Variants in PTPRM observed in about 807,000 individuals in gnomAD.
PTPRM encodes protein tyrosine phosphatase receptor type M, also known as receptor-type tyrosine-protein phosphatase mu.
Under a neutral mutation model 186.7 loss-of-function variants are expected in PTPRM, and 47 were observed. That is an observed-to-expected ratio of 0.25 (90% confidence interval 0.20 to 0.32). PTPRM has a LOEUF of 0.32. Among genes scored for constraint, PTPRM ranks in the 10% least tolerant of loss-of-function variants. The pLI, the probability that PTPRM is intolerant of heterozygous loss-of-function variation, is 1.00. For synonymous variants in PTPRM, 668 were observed against 674.9 expected, an observed-to-expected ratio of 0.99 and a Z score of 0.16; for missense variants, 1,494 against 1,865.0, an observed-to-expected ratio of 0.80 and a Z score of 3.66.
At chr18:7,809,465 G>A (rs537662817) in intron 2 of PTPRM, among the ~76,000 whole-genome samples, 21 of 151,970 alleles carry the variant, frequency 1.4e-4, no homozygotes, top group African/African-American at 3.9e-4. Context: ...CTAGACCACC[G>A]CACTCACACC....
chr18:7,865,787 A>C (rs1416932362), intron 2 of PTPRM, among the ~76,000 whole-genome samples: 1 of 152,144 alleles, frequency 6.6e-6, no homozygotes, highest in African/African-American at 2.4e-5. Flanking sequence ...CTTCTGATAG[A>C]ATTCGGCTGT....
intron 14 of PTPRM, among the ~76,000 whole-genome samples, chr18:8,158,362 G>T (rs1216356847): frequency 1.3e-5 from 2 of 152,134 alleles, no homozygotes; most frequent in African/African-American, 4.8e-5. Context: ...ATGTTGATGT[G>T]ACTTCACTTT....
At chr18:7,815,608 AGGATTTTGAGACT>A (rs1187889454) in intron 2 of PTPRM, 1 of 152,214 alleles carries the variant, frequency 6.6e-6, no homozygotes, top group Non-Finnish European at 1.5e-5. Flanking sequence ...GCTCGAGGCC[AGGATTTTGAGACT>A]GTAGTGTGCA....
At chr18:7,880,563 A>C in intron 2 of PTPRM, among the ~76,000 whole-genome samples, 1 of 152,234 alleles carries the variant, frequency 6.6e-6, no homozygotes, top group East Asian at 1.9e-4. Flanking sequence ...TGGTCTGCAG[A>C]ATGTGAATGC....
intron 14 of PTPRM, among the ~76,000 whole-genome samples, chr18:8,188,126 TG>T (rs1025553104): frequency 4.6e-5 from 7 of 152,186 alleles, no homozygotes; most frequent in African/African-American, 1.7e-4. Context: ...CAGATATTTA[TG>T]GAGAGGCAGA....
At chr18:8,112,602 GT>G (rs1044113699) in intron 11 of PTPRM, among the ~76,000 whole-genome samples, 1 of 152,172 alleles carries the variant, frequency 6.6e-6, no homozygotes, top group African/African-American at 2.4e-5. Context: ...CATGAGAAAG[GT>G]TTTTTTCCAA....
In PTPRM at chr18:7,567,735, C is replaced by T. The variant is rs1220710141; in HGVS notation, c.-84C>T. On this transcript the variant is annotated 5_prime_UTR_variant, in exon 1 of 33. Coordinates refer to ENST00000580170, the MANE Select transcript of PTPRM (RefSeq NM_001105244.2). The surrounding 1 kb of genome is among the most constrained non-coding windows in gnomAD (Gnocchi z 4.3). Reference sequence around the variant, plus strand: ...CTGTTTACCCGTCTCTCCTCGCTGCCTCGGAACCAAAGCTCCCGGCCCCCT... The same window carrying T: ...CTGTTTACCCGTCTCTCCTCGCTGCTTCGGAACCAAAGCTCCCGGCCCCCT... 14 of 1,285,934 alleles carry T rather than the reference C, an allele frequency of 1.1e-5. No homozygotes were observed. The highest frequency in any genetic ancestry group is 1.5e-5 in the Non-Finnish European group (14 of 962,812). The allele number at this position is 1,285,934 out of a possible 1,614,324, so 79.7% of individuals were successfully genotyped here. A position where few individuals can be genotyped will look rare whatever the true frequency, so the allele number is the denominator to read the frequency against.
At chr18:7,616,012 A>G (rs2037794687) in intron 1 of PTPRM, among the ~76,000 whole-genome samples, 1 of 152,032 alleles carries the variant, frequency 6.6e-6, no homozygotes. Flanking sequence ...CAGGAGGTGG[A>G]GCTCAGGCAG....
intron 14 of PTPRM, among the ~76,000 whole-genome samples, chr18:8,185,156 T>A (rs2093625354): frequency 8.7e-6 from 1 of 114,614 alleles, no homozygotes; most frequent in South Asian, 2.5e-4. Flanking sequence ...TACTAATTGT[T>A]AAAAAAAATA....
At chr18:7,984,795 A>G (rs2082771632) in intron 7 of PTPRM, among the ~76,000 whole-genome samples, 1 of 137,392 alleles carries the variant, frequency 7.3e-6, no homozygotes, top group Non-Finnish European at 1.5e-5. Flanking sequence ...ATACACACAT[A>G]TAAATATATA....
chr18:8,162,263 C>A (rs765085931), intron 14 of PTPRM, among the ~76,000 whole-genome samples: 2 of 152,080 alleles, frequency 1.3e-5, no homozygotes, highest in South Asian at 2.1e-4. Flanking sequence ...CCACGCCCAG[C>A]TAATTTTTTA....
intron 1 of PTPRM, among the ~76,000 whole-genome samples, chr18:7,678,053 G>T (rs535933778): frequency 2.6e-5 from 4 of 152,072 alleles, no homozygotes; most frequent in African/African-American, 9.7e-5. Flanking sequence ...AGTCATAGGG[G>T]CTCTGTGTGT....
intron 14 of PTPRM, among the ~76,000 whole-genome samples, chr18:8,221,337 T>C (rs2094151044): frequency 1.3e-5 from 2 of 152,202 alleles, no homozygotes. Context: ...GCTGTCATTG[T>C]CACCCTGCAT....
In PTPRM at chr18:7,826,593, A is replaced by G. The variant is rs7242737; in HGVS notation, c.196+52322A>G. 7.1e-3 allele frequency among the ~76,000 whole-genome samples: 1,089 copies of G among 152,356 alleles called. 8 individuals are homozygous for G. The highest frequency in any genetic ancestry group is 0.025 in the African/African-American group (1,030 of 41,574). ...TGTTGAATATTTCATGGTTATAACA[A>G]ATGAAACTCCCATGAAATAAAAGAG... On this transcript the variant is annotated intron_variant, in intron 2 of 32. Coordinates refer to ENST00000580170, the MANE Select transcript of PTPRM (RefSeq NM_001105244.2).
At chr18:7,784,497 T>C (rs974025299) in intron 2 of PTPRM, among the ~76,000 whole-genome samples, 2 of 152,168 alleles carry the variant, frequency 1.3e-5, no homozygotes, top group Non-Finnish European at 2.9e-5. Flanking sequence ...CCCACCATCG[T>C]CACTCAACAA....
At chr18:8,223,222 T>G (rs1455524313) in intron 14 of PTPRM, among the ~76,000 whole-genome samples, 1 of 152,058 alleles carries the variant, frequency 6.6e-6, no homozygotes, top group Non-Finnish European at 1.5e-5. Flanking sequence ...GGACTCTGTC[T>G]CAAAAATAAA....
chr18:8,019,873 T>TTATAAAA (rs1202335999), intron 7 of PTPRM, among the ~76,000 whole-genome samples: 1 of 150,472 alleles, frequency 6.6e-6, no homozygotes, highest in African/African-American at 2.4e-5. Context: ...TTTATAAATT[T>TTATAAAA]AACCCAACGC....
intron 3 of PTPRM, among the ~76,000 whole-genome samples, chr18:7,904,519 C>G (rs2049874464): frequency 6.6e-6 from 1 of 152,148 alleles, no homozygotes; most frequent in Non-Finnish European, 1.5e-5. Context: ...TCATAGAGTA[C>G]ATGATCTTCG....
chr18:8,169,662 C>T (rs2146437182), intron 14 of PTPRM, among the ~76,000 whole-genome samples: 1 of 152,276 alleles, frequency 6.6e-6, no homozygotes, highest in Admixed American at 6.5e-5. Context: ...AAGAATTTAG[C>T]ATGGTGTATG....
Sources: allele counts gnomAD v4.1 joint callset (sites outside exome capture counted in the v4.1 genomes callset), GRCh38; gene constraint gnomAD v4.1.1; non-coding constraint Gnocchi (gnomAD v3.1); transcripts MANE v1.5; gene names NCBI Gene and HGNC (gene_info 2026-07-23, HGNC 2026-07-21).